Variants in HELQ observed in about 807,000 individuals in gnomAD.
HELQ encodes helicase POLQ-like.
In HELQ, 77 loss-of-function variants were observed where a neutral mutation model predicts 111.6. The observed-to-expected ratio is 0.69, with a 90% CI of 0.57 to 0.83. HELQ has a LOEUF of 0.83. Ranked by LOEUF, HELQ falls within the 40% of genes least tolerant of loss-of-function variation. The pLI, the probability that HELQ is intolerant of heterozygous loss-of-function variation, is 0.00. For missense variants in HELQ, 1,200 were observed against 1,288.5 expected (o/e 0.93, Z 1.05); for synonymous variants, 438 against 454.7 (o/e 0.96, Z 0.47).
At chr4:83,408,770 A>G (rs916610173) in intron 17 of HELQ, among the ~76,000 whole-genome samples, 11 of 148,848 alleles carry the variant, frequency 7.4e-5, no homozygotes, top group Admixed American at 6.7e-5. Flanking sequence ...TGGGGTTGAG[A>G]AAAAAAAAAC....
intron 10 of HELQ, 101 bp from the exon 11 acceptor site, chr4:83,431,869 A>G: frequency 1.9e-6 from 1 of 540,516 alleles, no homozygotes; most frequent in Non-Finnish European, 3.0e-6. Context: ...TGGAGCCAGA[A>G]GGAGACCAAA....
In HELQ at chr4:83,436,977, G is replaced by C; in HGVS notation, c.1929C>G (p.His643Gln). The C allele has an allele frequency of 3.1e-6, 5 of 1,614,164 alleles. No homozygotes were observed. Among genetic ancestry groups the C allele is most frequent in the Non-Finnish European group, 4.2e-6 (5 of 1,180,014 alleles). Residue 643 changes from histidine to glutamine, a missense_variant, in exon 9 of 18, where the codon CAC becomes CAG. Around this residue, in one of 3 missense-constraint regions of HELQ, gnomAD observed 585 missense variants for 665.3 expected, o/e 0.88. Transcript: ENST00000295488. ...KRTIPFGVAY[H>Q]HSGLTSDERK... is the part of the protein sequence containing the mutation. Reference sequence around the variant, plus strand: ...TTTCATCACTTGTTAAGCCACTGTGGTGATAGGCAACTCCAAATGGGATAG... The same window carrying C: ...TTTCATCACTTGTTAAGCCACTGTGCTGATAGGCAACTCCAAATGGGATAG...
chr4:83,440,869 A>C (rs1359333477), intron 7 of HELQ, among the ~76,000 whole-genome samples: 1 of 152,246 alleles, frequency 6.6e-6, no homozygotes, highest in Non-Finnish European at 1.5e-5. Context: ...ACTTCCTCAC[A>C]ATTTAGTAGC....
chr4:83,417,866 G>GT (rs373297968), intron 16 of HELQ, among the ~76,000 whole-genome samples: 16 of 148,068 alleles, frequency 1.1e-4, no homozygotes, highest in East Asian at 2.0e-4. Flanking sequence ...TTCCTGTTAT[G>GT]TTTTTTTTTT....
Position 83,416,724 on chromosome 4 carries a change from T to C in HELQ, c.3198+7A>G. On this transcript the variant is annotated splice_region_variant and intron_variant, in intron 17 of 17. Transcript: ENST00000295488. ...TATTAAGGTTAAAAAATGGTTTGTT[T>C]GCTTACCTTTGCTGATGAAACAATT... The C allele has an allele frequency of 6.2e-7, 1 of 1,610,912 alleles. No homozygotes were observed. Among genetic ancestry groups the C allele is most frequent in the Non-Finnish European group, 8.5e-7 (1 of 1,179,176 alleles).
intron 17 of HELQ, among the ~76,000 whole-genome samples, chr4:83,415,659 C>A (rs1381912373): frequency 2.0e-5 from 3 of 150,466 alleles, no homozygotes; most frequent in African/African-American, 7.4e-5. Context: ...TTAAGACAGA[C>A]TCTCACTCTG....
At chr4:83,443,658 G>A (rs1347721814) in intron 5 of HELQ, 44 bp from the exon 6 acceptor site, 4 of 792,078 alleles carry the variant, frequency 5.1e-6, no homozygotes, top group Non-Finnish European at 6.2e-6. Context: ...AGGAAAATAT[G>A]TTATTTAATA....
intron 9 of HELQ, among the ~76,000 whole-genome samples, chr4:83,436,001 A>G (rs1720437311): frequency 6.6e-6 from 1 of 152,136 alleles, no homozygotes; most frequent in African/African-American, 2.4e-5. Flanking sequence ...CCTGGTATTC[A>G]AAGCAAAATT....
At chr4:83,449,309 A>G (rs1384908586) in intron 2 of HELQ, among the ~76,000 whole-genome samples, 1 of 152,214 alleles carries the variant, frequency 6.6e-6, no homozygotes, top group African/African-American at 2.4e-5. Context: ...GTGAATTCGA[A>G]TGTCTTCCTC....
At chr4:83,449,938 T>C (rs971876337) in intron 2 of HELQ, among the ~76,000 whole-genome samples, 1 of 150,388 alleles carries the variant, frequency 6.6e-6, no homozygotes, top group Non-Finnish European at 1.5e-5. Context: ...GCCATTTTCA[T>C]GTACGGTTGT....
At chr4:83,443,452 T>C in intron 6 of HELQ, 65 bp downstream of exon 6, 1 of 723,910 alleles carries the variant, frequency 1.4e-6, no homozygotes, top group Non-Finnish European at 2.3e-6. Context: ...CTATGTTTAC[T>C]ACTTTCATTT....
chr4:83,409,630 A>AC (rs1397035624), intron 17 of HELQ, among the ~76,000 whole-genome samples: 13 of 152,090 alleles, frequency 8.5e-5, no homozygotes, highest in African/African-American at 3.1e-4. Flanking sequence ...CTGAAAGCAA[A>AC]CCATGAAGCA....
intron 17 of HELQ, among the ~76,000 whole-genome samples, chr4:83,413,864 TGTGA>T (rs1271854054): frequency 6.6e-6 from 1 of 152,224 alleles, no homozygotes; most frequent in Non-Finnish European, 1.5e-5. Context: ...CTGTTGGTCA[TGTGA>T]GTGAGTCACC....
intron 15 of HELQ, among the ~76,000 whole-genome samples, chr4:83,419,271 C>T (rs1428079796): frequency 1.3e-5 from 2 of 150,996 alleles, no homozygotes; most frequent in African/African-American, 4.9e-5. Flanking sequence ...AGATTGAACA[C>T]CCCTGCCTTG....
chr4:83,421,878 C>G, intron 14 of HELQ, 142 bp from the exon 15 acceptor site: 1 of 648,404 alleles, frequency 1.5e-6, no homozygotes. Flanking sequence ...TAATTTCTAA[C>G]AGATGTACTT....
intron 6 of HELQ, among the ~76,000 whole-genome samples, chr4:83,442,967 A>T (rs1720856991): frequency 6.6e-6 from 1 of 152,190 alleles, no homozygotes; most frequent in African/African-American, 2.4e-5. Context: ...TGCACACAAA[A>T]ATATATATAC....
At chr4:83,453,076 G>A (rs6821899) in intron 2 of HELQ, 155 bp downstream of exon 2, 25,216 of 583,210 alleles carry the variant, frequency 0.043, 4,767 homozygotes, top group African/African-American at 0.42. Context: ...GTGGTAGCAG[G>A]ACAGGTAGGA....
intron 8 of HELQ, among the ~76,000 whole-genome samples, chr4:83,439,368 T>C (rs1720646676): frequency 1.6e-5 from 1 of 62,694 alleles, no homozygotes; most frequent in African/African-American, 3.5e-5. Context: ...CCTGGTCTTC[T>C]TTTTTTTTTT....
intron 17 of HELQ, among the ~76,000 whole-genome samples, chr4:83,410,506 G>GTCCC (rs1387828144): frequency 4.8e-5 from 7 of 144,816 alleles, no homozygotes; most frequent in African/African-American, 1.7e-4. Flanking sequence ...TGCATTCTAA[G>GTCCC]ATTGAGGAAA....
Sources: allele counts gnomAD v4.1 joint callset (sites outside exome capture counted in the v4.1 genomes callset), GRCh38; gene constraint gnomAD v4.1.1; regional missense constraint gnomAD v4.1.1; transcripts MANE v1.5; gene names NCBI Gene and HGNC (gene_info 2026-07-23, HGNC 2026-07-21).